Variants in AP1S3 observed in about 807,000 individuals in gnomAD.
The protein encoded by AP1S3 is AP-1 complex subunit sigma-3.
Under a neutral mutation model 20.9 loss-of-function variants are expected in AP1S3, and 10 were observed. That is an observed-to-expected ratio of 0.48 (90% CI 0.29 to 0.81). The LOEUF is 0.81. AP1S3 is among the 30% of genes least tolerant of loss of function. AP1S3 has a pLI of 0.08. For synonymous variants in AP1S3, 41 were observed against 61.5 expected (o/e 0.67, Z 1.56); for missense variants, 154 against 183.8 (o/e 0.84, Z 0.94).
chr2:223,772,365 T>C (rs888220888), intron 3 of AP1S3, among the ~76,000 whole-genome samples: 4 of 152,104 alleles, frequency 2.6e-5, no homozygotes, highest in African/African-American at 4.8e-5. Context: ...GGGGGACCCA[T>C]AGTGCTCTTC....
At chr2:223,821,202 G>A (rs1691980265) in intron 1 of AP1S3, among the ~76,000 whole-genome samples, 1 of 152,122 alleles carries the variant, frequency 6.6e-6, no homozygotes, top group Admixed American at 6.6e-5. Context: ...CGCCCAGGCT[G>A]GAGTGTGCAG....
intron 1 of AP1S3, among the ~76,000 whole-genome samples, chr2:223,797,041 T>C (rs2106107715): frequency 6.6e-6 from 1 of 152,346 alleles, no homozygotes; most frequent in East Asian, 1.9e-4. Flanking sequence ...TGCTGATTCC[T>C]TAATTGTACT....
chr2:223,781,396 A>AT lies in AP1S3; in HGVS notation c.4-3528dup, dbSNP rs903934493. Among the ~76,000 whole-genome samples the AT allele has an allele frequency of 4.8e-4, 70 of 146,984 alleles. 1 individual carries two copies. Among genetic ancestry groups the AT allele is most frequent in the East Asian group, 4.2e-3 (21 of 5,056 alleles). On this transcript the variant is annotated intron_variant, in intron 1 of 4. Coordinates refer to ENST00000396654, the MANE Select transcript of AP1S3 (RefSeq NM_001039569.2). ...CTTCAGTCTGGAATTTTAACACAGC[A>AT]TTTTTTTTTTTAGTATCTGTTTCAC...
At chr2:223,771,095 G>C (rs1348133583) in intron 3 of AP1S3, among the ~76,000 whole-genome samples, 2 of 152,028 alleles carry the variant, frequency 1.3e-5, no homozygotes, top group South Asian at 2.1e-4. Flanking sequence ...AGCACTTTGG[G>C]GGGGCTGAGG....
At chr2:223,794,782 C>T (rs1559136533) in intron 1 of AP1S3, among the ~76,000 whole-genome samples, 1 of 152,142 alleles carries the variant, frequency 6.6e-6, no homozygotes, top group Non-Finnish European at 1.5e-5. Context: ...ACTATCTTTC[C>T]AAGGCTACTC....
chr2:223,756,170 T>C lies in AP1S3; in HGVS notation c.*2545A>G. On this transcript the variant is annotated 3_prime_UTR_variant, in exon 5 of 5. Transcript: ENST00000396654. ...CTGACCAACATGGAGAAATCCCAACTCTACCAAAAATACAAAATTAGCCAG... is the reference window on the plus strand; with the variant it reads ...CTGACCAACATGGAGAAATCCCAACCCTACCAAAAATACAAAATTAGCCAG... 1 of 377,444 alleles carries C rather than the reference T, an allele frequency of 2.6e-6. No individual in the cohort carries two copies. The highest frequency in any genetic ancestry group is 3.6e-6 in the Non-Finnish European group (1 of 274,264). 23.4% of individuals were successfully genotyped at this position (377,444 alleles called of 1,614,324 possible).
intron 1 of AP1S3, among the ~76,000 whole-genome samples, chr2:223,806,028 C>A (rs1691571153): frequency 6.6e-6 from 1 of 152,080 alleles, no homozygotes; most frequent in African/African-American, 2.4e-5. Flanking sequence ...ACATCAGACT[C>A]TCAACTTCTA....
rs1419525640 is a variant in AP1S3 at position 223,755,671 on chromosome 2, C to T, written c.*3044G>A. ...TCAGCCTCCTGAGTAGCTGGCACTA[C>T]AAGCATGTGCCACCACACTTGGCTA... On this transcript the variant is annotated 3_prime_UTR_variant, in exon 5 of 5. Coordinates refer to ENST00000396654, the MANE Select transcript of AP1S3 (RefSeq NM_001039569.2). 5.3e-6 allele frequency: 1 copy of T among 188,238 alleles called. No individual in the cohort carries two copies. The allele number at this position is 188,238 out of a possible 1,614,324, so 11.7% of individuals were successfully genotyped here.
At chr2:223,821,181 T>A (rs1034438050) in intron 1 of AP1S3, among the ~76,000 whole-genome samples, 7 of 152,110 alleles carry the variant, frequency 4.6e-5, no homozygotes, top group Admixed American at 3.9e-4. Context: ...TATGGCAGAG[T>A]CTCACACTGT....
Position 223,837,474 on chromosome 2 carries a change from C to A in AP1S3, c.-24G>T, listed in dbSNP as rs887016566. On this transcript the variant is annotated 5_prime_UTR_variant, in exon 1 of 5. Transcript: ENST00000396654. The stretch of plus-strand genomic sequence containing the variant: ...ATCGTGGCTGGGCCGCCGCCTCCCC[C>A]GCCTTGCGAGCAAGGAGCGCTGGAG... The A allele has an allele frequency of 1.6e-6, 2 of 1,286,098 alleles. No individual in the cohort carries two copies. The highest frequency in any genetic ancestry group is 2.0e-6 in the Non-Finnish European group (2 of 1,014,954). 79.7% of individuals were successfully genotyped at this position (1,286,098 alleles called of 1,614,324 possible).
Position 223,756,102 on chromosome 2 carries a change from G to C in AP1S3, c.*2613C>G, listed in dbSNP as rs904407930. The C allele has an allele frequency of 6.4e-5, 61 of 953,090 alleles. No homozygotes were observed. Among genetic ancestry groups the C allele is most frequent in the Non-Finnish European group, 7.1e-5 (57 of 800,686 alleles). The allele number at this position is 953,090 out of a possible 1,614,324, so 59.0% of individuals were successfully genotyped here. A position where few individuals can be genotyped will look rare whatever the true frequency, so the allele number is the denominator to read the frequency against. On this transcript the variant is annotated 3_prime_UTR_variant, in exon 5 of 5. Transcript: ENST00000396654. ...GCCTGTAATTCCAGCACTTTGGAAG[G>C]CCAAGGCGGGCGGATCACCTGAGGT...
At chr2:223,762,059 G>A (rs987704990) in intron 4 of AP1S3, among the ~76,000 whole-genome samples, 10 of 151,546 alleles carry the variant, frequency 6.6e-5, no homozygotes, top group Admixed American at 1.3e-4. Flanking sequence ...TGCAACCTCC[G>A]CCCCCTGGGT....
At chr2:223,768,844 G>C (rs1306070794) in intron 3 of AP1S3, among the ~76,000 whole-genome samples, 1 of 152,058 alleles carries the variant, frequency 6.6e-6, no homozygotes, top group African/African-American at 2.4e-5. Flanking sequence ...GACAGAGCAA[G>C]ACTCCTTCTC....
intron 1 of AP1S3, among the ~76,000 whole-genome samples, chr2:223,818,260 T>C (rs1347195244): frequency 6.6e-6 from 1 of 151,928 alleles, no homozygotes; most frequent in African/African-American, 2.4e-5. Flanking sequence ...CTACTAAAAA[T>C]ATAAAAATAA....
chr2:223,770,185 G>C (rs1574689310), intron 3 of AP1S3: 1 of 1,550,384 alleles, frequency 6.5e-7, no homozygotes, highest in Non-Finnish European at 8.7e-7. Context: ...GGTATGAGAA[G>C]AAAGCAGTTA....
At chr2:223,796,832 T>A (rs1691349341) in intron 1 of AP1S3, among the ~76,000 whole-genome samples, 1 of 152,122 alleles carries the variant, frequency 6.6e-6, no homozygotes, top group African/African-American at 2.4e-5. Flanking sequence ...CCCAGCTAAT[T>A]TTTGTAGTTT....
At chr2:223,832,351 C>CAAA (rs2106043319) in intron 1 of AP1S3, among the ~76,000 whole-genome samples, 1 of 101,244 alleles carries the variant, frequency 9.9e-6, no homozygotes, top group East Asian at 2.9e-4. Context: ...ACAATACTCA[C>CAAA]CACAAACAAA....
chr2:223,802,552 A>T (rs1304953393), intron 1 of AP1S3, among the ~76,000 whole-genome samples: 1 of 151,918 alleles, frequency 6.6e-6, no homozygotes, highest in Non-Finnish European at 1.5e-5. Flanking sequence ...TGATCCGGCC[A>T]CCTCAGCCTC....
In AP1S3 at chr2:223,787,974, T is replaced by G. The variant is rs370674125; in HGVS notation, c.4-10105A>C. ...ATGTAAATGCCACAGTTCTTTTTTT[T>G]GGGATGGGGTCTCACTCTGTCATCC... On this transcript the variant is annotated intron_variant, in intron 1 of 4. Transcript: ENST00000396654. Among the ~76,000 whole-genome samples, 39 of 151,964 alleles carry G rather than the reference T, an allele frequency of 2.6e-4. No individual in the cohort carries two copies. The South Asian group carries it at 7.1e-3, about 28-fold the overall frequency.
Sources: gnomAD v4.1 joint callset for allele counts (sites outside exome capture counted in the v4.1 genomes callset) on GRCh38, gnomAD v4.1.1 for gene constraint, MANE v1.5 for transcripts, NCBI Gene and HGNC (gene_info 2026-07-23, HGNC 2026-07-21) for gene names.